Variants in WWP2 observed in about 807,000 individuals in gnomAD.
WWP2 encodes the protein NEDD4-like E3 ubiquitin-protein ligase WWP2.
A neutral mutation model predicts 121.0 loss-of-function variants in WWP2; 57 were observed. The ratio of observed to expected loss-of-function variants is 0.47; its 90% confidence interval spans 0.38 to 0.59. The LOEUF (loss-of-function observed/expected upper bound fraction) is 0.59. WWP2 is among the 20% of genes least tolerant of loss of function. The pLI, the probability that WWP2 is intolerant of heterozygous loss-of-function variation, is 0.00. For synonymous variants in WWP2, 449 were observed against 441.3 expected (o/e 1.02, Z -0.22); for missense variants, 962 against 1,158.9 (o/e 0.83, Z 2.47).
chr16:69,932,243 C>T (rs551051994), intron 16 of WWP2, among the ~76,000 whole-genome samples: 28 of 152,336 alleles, frequency 1.8e-4, no homozygotes, highest in South Asian at 2.1e-4. Context: ...GCGGGAGAAT[C>T]GCTTGAACCT....
chr16:69,838,835 G>A, intron 4 of WWP2: 19 of 985,526 alleles, frequency 1.9e-5, no homozygotes, highest in Non-Finnish European at 2.2e-5. Context: ...ATCCATGGCA[G>A]GGAAGAGAGA....
chr16:69,940,035 C>G lies in WWP2; in HGVS notation c.*95C>G, dbSNP rs933357764. 1 of 1,010,724 alleles carries G rather than the reference C, an allele frequency of 9.9e-7. No individual in the cohort carries two copies. The highest frequency in any genetic ancestry group is 1.5e-6 in the Non-Finnish European group (1 of 684,282). The allele number at this position is 1,010,724 out of a possible 1,614,324, so 62.6% of individuals were successfully genotyped here. ...GGCCCCGCAGCCCTTGGGAGGCCCCCGTGGATGTGGCCCTGTGTGGGACCA... is the reference window on the plus strand; with the variant it reads ...GGCCCCGCAGCCCTTGGGAGGCCCCGGTGGATGTGGCCCTGTGTGGGACCA... On this transcript the variant is annotated 3_prime_UTR_variant, in exon 24 of 24. Coordinates refer to ENST00000359154, the MANE Select transcript of WWP2 (RefSeq NM_001270454.2).
intron 7 of WWP2, among the ~76,000 whole-genome samples, chr16:69,884,307 G>T (rs982898970): frequency 6.6e-6 from 1 of 152,170 alleles, no homozygotes; most frequent in Admixed American, 6.6e-5. Context: ...CTCCAGCCAA[G>T]GATGGGGACA....
Position 69,936,108 on chromosome 16 carries a change from A to G in WWP2, c.1976+122A>G, listed in dbSNP as rs772836351. 700 of 1,488,396 alleles carry G rather than the reference A, an allele frequency of 4.7e-4. 4 individuals are homozygous for G. In the South Asian group the frequency reaches 5.2e-3, roughly 11 times the overall value. The allele number at this position is 1,488,396 out of a possible 1,614,324, so 92.2% of individuals were successfully genotyped here. On this transcript the variant is annotated intron_variant, in intron 18 of 23. Coordinates refer to ENST00000359154, the MANE Select transcript of WWP2 (RefSeq NM_001270454.2). ...GCCCCTGAGCTCTTTTCCAGCCTCT[A>G]TAAGAGCTTGTGGAGAGGAATGTCC...
At position 69,934,033 on chromosome 16, in the gene WWP2, C is replaced by G; in HGVS notation, c.1746C>G (p.Ala582=). 2 of 1,614,092 alleles carry G rather than the reference C, an allele frequency of 1.2e-6. No homozygotes were observed. Among genetic ancestry groups the G allele is most frequent in the Non-Finnish European group, 8.5e-7 (1 of 1,179,994 alleles). Residue 582 remains alanine (A), a synonymous_variant, in exon 17 of 24, where the codon GCC becomes GCG. Transcript: ENST00000359154. The part of the protein sequence containing the change: ...LNPMYCLFEY[A]GKNNYCLQIN... ...CTATGTATTGTTTATTTGAATATGCCGGAAAGAACAATTACTGCCTGCAGA... is the reference window on the plus strand; with the variant it reads ...CTATGTATTGTTTATTTGAATATGCGGGAAAGAACAATTACTGCCTGCAGA...
chr16:69,866,389 C>T (rs536771913), intron 6 of WWP2, among the ~76,000 whole-genome samples: 1 of 152,064 alleles, frequency 6.6e-6, no homozygotes, highest in South Asian at 2.1e-4. Flanking sequence ...TCCCAAAGTG[C>T]TGGGATTACA....
intron 6 of WWP2, among the ~76,000 whole-genome samples, chr16:69,869,508 TA>T (rs2057592506): frequency 6.6e-6 from 1 of 151,876 alleles, no homozygotes; most frequent in Non-Finnish European, 1.5e-5. Flanking sequence ...CACACCTGGC[TA>T]ATTTTTTAAA....
At position 69,917,787 on chromosome 16, in the gene WWP2, G is replaced by A. The variant is rs765171141; in HGVS notation, c.1083G>A (p.Pro361=). Residue 361 remains proline, a synonymous_variant, in exon 10 of 24, where the codon CCG becomes CCA. Transcript: ENST00000359154. ...CTCGGACCACCACCTGGCAGCGTCCGACCGCGGAGTACGTGCGCAACTATG... is the reference window on the plus strand; with the variant it reads ...CTCGGACCACCACCTGGCAGCGTCCAACCGCGGAGTACGTGCGCAACTATG... ...HNTRTTTWQR[P]TAEYVRNYEQ... 6.8e-6 allele frequency: 11 copies of A among 1,613,852 alleles called. No individual in the cohort carries two copies. The highest frequency in any genetic ancestry group is 2.7e-5 in the African/African-American group (2 of 74,936).
rs183526881 is a variant in WWP2, at chr16:69,939,255, G to A, written c.2441-86G>A. On this transcript the variant is annotated intron_variant, in intron 22 of 23. Transcript: ENST00000359154. ...GCTGTGGCCTCTGCATCCTGGGGCC[G>A]AGCCCATCTGTGGGTGGAGCCGGAG... 4.7e-4 allele frequency: 747 copies of A among 1,582,348 alleles called. 2 individuals carry two copies. In the African/African-American group the frequency reaches 8.8e-3, roughly 19 times the overall value.
At chr16:69,844,990 T>C (rs1408779021) in intron 6 of WWP2, among the ~76,000 whole-genome samples, 1 of 152,222 alleles carries the variant, frequency 6.6e-6, no homozygotes, top group Non-Finnish European at 1.5e-5. Context: ...TGTGCACACA[T>C]GCTTATGACT....
intron 4 of WWP2, among the ~76,000 whole-genome samples, chr16:69,815,832 A>G (rs1340015307): frequency 6.6e-6 from 1 of 150,626 alleles, no homozygotes; most frequent in Non-Finnish European, 1.5e-5. Context: ...ACTGTATATT[A>G]TGGCCTCAAC....
At chr16:69,928,730 C>G (rs142657088) in intron 11 of WWP2, among the ~76,000 whole-genome samples, 1 of 151,902 alleles carries the variant, frequency 6.6e-6, no homozygotes, top group Non-Finnish European at 1.5e-5. Flanking sequence ...GACAACATAG[C>G]GAGACCCTGT....
At chr16:69,849,917 A>G (rs1290085654) in intron 6 of WWP2, among the ~76,000 whole-genome samples, 1 of 152,192 alleles carries the variant, frequency 6.6e-6, no homozygotes, top group Non-Finnish European at 1.5e-5. Context: ...TATTGCATAG[A>G]TATTTATTTG....
intron 7 of WWP2, among the ~76,000 whole-genome samples, chr16:69,884,147 AAC>A (rs2057881161): frequency 6.6e-6 from 1 of 152,184 alleles, no homozygotes; most frequent in Admixed American, 6.5e-5. Flanking sequence ...TCCTTGAAAA[AAC>A]ACACACATGT....
intron 6 of WWP2, among the ~76,000 whole-genome samples, chr16:69,842,714 C>T (rs1016396654): frequency 1.3e-5 from 2 of 152,100 alleles, no homozygotes; most frequent in Non-Finnish European, 2.9e-5. Context: ...TTGTTGCCTA[C>T]GCTGGAGTGC....
Position 69,898,849 on chromosome 16 carries a change from A to G in WWP2, c.915-9912A>G, listed in dbSNP as rs894363642. 6.6e-5 allele frequency among the ~76,000 whole-genome samples: 10 copies of G among 152,148 alleles called. No homozygotes were observed. The South Asian group carries it at 1.5e-3, about 22-fold the overall frequency. ...CTCTGGAGTAGCTGGGATTACAGGC[A>G]TGTGCCACCACTCCCAGATACTTTT... On this transcript the variant is annotated intron_variant, in intron 8 of 23. Coordinates refer to ENST00000359154, the MANE Select transcript of WWP2 (RefSeq NM_001270454.2).
chr16:69,927,547 G>A (rs990444359), intron 11 of WWP2, among the ~76,000 whole-genome samples: 40 of 152,232 alleles, frequency 2.6e-4, no homozygotes, highest in African/African-American at 8.4e-4. Context: ...GCAGCCAGCC[G>A]GCCTTGGGAG....
chr16:69,841,401 G>C (rs2056974938), intron 5 of WWP2, among the ~76,000 whole-genome samples: 1 of 152,152 alleles, frequency 6.6e-6, no homozygotes, highest in African/African-American at 2.4e-5. Context: ...GCCAAGGTGG[G>C]AGTGTGGGGT....
In WWP2 at chr16:69,934,031, G is replaced by T; in HGVS notation, c.1744G>T (p.Ala582Ser). The T allele has an allele frequency of 3.1e-6, 5 of 1,614,082 alleles. No homozygotes were observed. Among genetic ancestry groups the T allele is most frequent in the Non-Finnish European group, 4.2e-6 (5 of 1,179,984 alleles). ...CCCTATGTATTGTTTATTTGAATATGCCGGAAAGAACAATTACTGCCTGCA... is the reference window on the plus strand; with the variant it reads ...CCCTATGTATTGTTTATTTGAATATTCCGGAAAGAACAATTACTGCCTGCA... ...LNPMYCLFEY[A>S]GKNNYCLQIN... The change falls in exon 17 of 24, where the codon GCC (alanine) becomes TCC (serine). Residue 582 changes from alanine (A) to serine (S), a missense_variant. Coordinates refer to ENST00000359154, the MANE Select transcript of WWP2 (RefSeq NM_001270454.2).
Sources: gnomAD v4.1 joint callset for allele counts (sites outside exome capture counted in the v4.1 genomes callset) on GRCh38, gnomAD v4.1.1 for gene constraint, MANE v1.5 for transcripts, NCBI Gene and HGNC (gene_info 2026-07-23, HGNC 2026-07-21) for gene names.